The following RSF1 variants were observed in gnomAD, a reference collection of about 807,000 sequenced individuals.
The protein encoded by RSF1 is HBV pX-associated protein 8.
Under a neutral mutation model 145.2 loss-of-function variants are expected in RSF1, and 13 were observed. The ratio of observed to expected loss-of-function variants is 0.09; its 90% CI spans 0.06 to 0.14. The LOEUF (loss-of-function observed/expected upper bound fraction) is 0.14, where lower values mean the gene tolerates loss of function less well. Ranked by LOEUF, RSF1 falls within the 10% of genes least tolerant of loss-of-function variation. The pLI, the probability that RSF1 is intolerant of heterozygous loss-of-function variation, is 1.00. For synonymous variants in RSF1, 577 were observed against 592.6 expected (o/e 0.97, Z 0.38); for missense variants, 1,517 against 1,718.2 (o/e 0.88, Z 2.07).
chr11:77,761,395 A>T (rs1478778526), intron 2 of RSF1, among the ~76,000 whole-genome samples: 2 of 150,538 alleles, frequency 1.3e-5, no homozygotes, highest in African/African-American at 2.4e-5. Context: ...TTTTTTTTTT[A>T]AACTCCTATT....
chr11:77,760,988 C>T (rs756833672), intron 2 of RSF1, among the ~76,000 whole-genome samples: 5 of 151,964 alleles, frequency 3.3e-5, no homozygotes, highest in African/African-American at 7.3e-5. Context: ...CTCGGCTCAC[C>T]GCGATCTCGG....
intron 1 of RSF1, among the ~76,000 whole-genome samples, chr11:77,783,078 G>C (rs1948419996): frequency 6.6e-6 from 1 of 151,832 alleles, no homozygotes; most frequent in Non-Finnish European, 1.5e-5. Context: ...AGTTTTTGTG[G>C]TTGCTTCAGG....
chr11:77,727,506 C>G (rs1010178248), intron 4 of RSF1, among the ~76,000 whole-genome samples: 3 of 100,678 alleles, frequency 3.0e-5, no homozygotes, highest in African/African-American at 1.2e-4. Context: ...GATGGAGTTT[C>G]ACTCTTGTCA....
chr11:77,735,791 G>A (rs1458594735), intron 4 of RSF1, among the ~76,000 whole-genome samples: 1 of 152,172 alleles, frequency 6.6e-6, no homozygotes, highest in Non-Finnish European at 1.5e-5. Context: ...CCAGGCTGGA[G>A]TGCAGTGGCG....
chr11:77,695,776 T>C (rs1334518546), intron 7 of RSF1, among the ~76,000 whole-genome samples: 3 of 152,166 alleles, frequency 2.0e-5, no homozygotes, highest in Non-Finnish European at 4.4e-5. Context: ...TTTTAATCTC[T>C]CTCAGAGGAC....
chr11:77,770,350 T>G (rs1407683652), intron 1 of RSF1, among the ~76,000 whole-genome samples: 1 of 152,152 alleles, frequency 6.6e-6, no homozygotes, highest in Non-Finnish European at 1.5e-5. Flanking sequence ...TAGTCCCAGC[T>G]ACTCGGGAGG....
chr11:77,680,055 A>C (rs1260584733), intron 11 of RSF1, among the ~76,000 whole-genome samples: 1 of 152,192 alleles, frequency 6.6e-6, no homozygotes. Flanking sequence ...CCACCATATC[A>C]GACATCAAAG....
At chr11:77,842,841 A>T in the RSF1 span, among the ~76,000 whole-genome samples, 4 of 152,172 alleles carry the variant, frequency 2.6e-5, no homozygotes, top group Non-Finnish European at 4.4e-5. Context: ...TACATTCATA[A>T]ACTTGTACAA....
intron 2 of RSF1, among the ~76,000 whole-genome samples, chr11:77,760,369 C>T (rs538418448): frequency 2.0e-5 from 3 of 152,144 alleles, no homozygotes; most frequent in East Asian, 1.9e-4. Context: ...AAGAAATGTC[C>T]AGAGTAGGCA....
At chr11:77,858,625 T>C in the RSF1 span, among the ~76,000 whole-genome samples, 1 of 152,006 alleles carries the variant, frequency 6.6e-6, no homozygotes, top group Non-Finnish European at 1.5e-5. Flanking sequence ...TGTCTCTCAG[T>C]CCCCCCTCTC....
chr11:77,682,149 G>A lies in RSF1; in HGVS notation c.3065+1561C>T, dbSNP rs1328474765. On this transcript the variant is annotated intron_variant, in intron 11 of 15. Transcript: ENST00000308488. ...AGAAGAAAACTTTTTATTTTTTGAA[G>A]TATTTTTTTAAAGACTAGGATGGGC... Among the ~76,000 whole-genome samples, 4 of 152,186 alleles carry A rather than the reference G, an allele frequency of 2.6e-5. No individual in the cohort carries two copies. The East Asian group carries it at 7.7e-4, about 29-fold the overall frequency.
intron 10 of RSF1, 29 bp from the exon 11 acceptor site, chr11:77,683,848 G>A: frequency 6.6e-7 from 1 of 1,512,032 alleles, no homozygotes. Context: ...AAGCATAGAG[G>A]TTATTCCTTA....
At chr11:77,726,217 T>A (rs2135887757) in intron 4 of RSF1, among the ~76,000 whole-genome samples, 1 of 152,340 alleles carries the variant, frequency 6.6e-6, no homozygotes, top group East Asian at 1.9e-4. Flanking sequence ...ATAAAAAATT[T>A]TGGTAGCTGA....
intron 1 of RSF1, among the ~76,000 whole-genome samples, chr11:77,777,606 A>T (rs1414152488): frequency 1.3e-5 from 2 of 152,138 alleles, no homozygotes; most frequent in South Asian, 2.1e-4. Flanking sequence ...AATAAATAAA[A>T]AAATAAATAA....
intron 5 of RSF1, 102 bp from the exon 6 acceptor site, chr11:77,702,597 A>G (rs529308577): frequency 1.5e-5 from 10 of 683,750 alleles, no homozygotes; most frequent in African/African-American, 1.3e-4. Flanking sequence ...TTCTATTTTA[A>G]AAGAGGTGGC....
the RSF1 span, among the ~76,000 whole-genome samples, chr11:77,859,558 G>A: frequency 6.6e-6 from 1 of 152,148 alleles, no homozygotes; most frequent in Non-Finnish European, 1.5e-5. Flanking sequence ...GCCCGAGTGA[G>A]GGCTATTAGT....
In RSF1 at chr11:77,700,993, G is replaced by C. The variant is rs554068175; in HGVS notation, c.2236C>G (p.Pro746Ala). 4.6e-5 allele frequency: 75 copies of C among 1,613,294 alleles called. No homozygotes were observed. Among genetic ancestry groups the C allele is most frequent in the Non-Finnish European group, 6.3e-5 (74 of 1,180,006 alleles). The stretch of plus-strand genomic sequence containing the variant: ...TCTAGAACTTTGGGGGGAGAATCGG[G>C]CTTCTTTTTCCGACTTGATATCCTG... ...TIRISSRKKKPDSPPKVLEPE... is the reference protein window; with the variant it reads ...TIRISSRKKKADSPPKVLEPE... The change falls in exon 6 of 16, where the codon CCC (proline) becomes GCC (alanine). Residue 746 changes from proline (P) to alanine (A), a missense_variant. This residue lies in a region of RSF1 where 579 missense variants were observed against 553.5 expected (regional missense o/e 1.05). Coordinates refer to ENST00000308488, the MANE Select transcript of RSF1 (RefSeq NM_016578.4).
At chr11:77,725,993 G>A (rs1010259182) in intron 4 of RSF1, among the ~76,000 whole-genome samples, 11 of 152,040 alleles carry the variant, frequency 7.2e-5, no homozygotes, top group Admixed American at 2.0e-4. Context: ...AAAAATCAAC[G>A]TTTGATAACT....
intron 5 of RSF1, among the ~76,000 whole-genome samples, chr11:77,705,260 A>C (rs907069598): frequency 5.3e-5 from 8 of 152,222 alleles, no homozygotes; most frequent in Non-Finnish European, 1.0e-4. Context: ...CACATAAATG[A>C]GTTTAAAAGG....
Sources: gnomAD v4.1 joint callset for allele counts (sites outside exome capture counted in the v4.1 genomes callset) on GRCh38, gnomAD v4.1.1 for gene constraint, gnomAD v4.1.1 regional missense constraint, MANE v1.5 for transcripts, NCBI Gene and HGNC (gene_info 2026-07-23, HGNC 2026-07-21) for gene names.